The following WDR44 variants were observed in gnomAD, a reference collection of about 807,000 sequenced individuals.
WDR44 encodes the protein WD repeat-containing protein 44.
WDR44 carries 9 observed loss-of-function variants against 65.7 expected under a neutral mutation model. The ratio of observed to expected loss-of-function variants is 0.14; its 90% CI spans 0.08 to 0.24. The LOEUF (loss-of-function observed/expected upper bound fraction) is 0.24, where lower values mean the gene tolerates loss of function less well. Among genes scored for constraint, WDR44 ranks in the 10% least tolerant of loss-of-function variants. WDR44 has a pLI of 1.00. For synonymous variants in WDR44, 220 were observed against 235.2 expected (o/e 0.94, Z 0.59); for missense variants, 425 against 670.9 (o/e 0.63, Z 4.05).
At position 118,444,411 on chromosome X, in the gene WDR44, T is replaced by C. The variant is rs1197054134; in HGVS notation, c.2564T>C (p.Met855Thr). 3 of 1,210,966 alleles carry C rather than the reference T, an allele frequency of 2.5e-6. No individual in the cohort carries two copies. The highest frequency in any genetic ancestry group is 4.4e-5 in the Admixed American group (2 of 45,957). Reference protein sequence around the residue: ...SAIFAPNPSLMLSLDVQSEKS... With the variant: ...SAIFAPNPSLTLSLDVQSEKS... ...ATCTTTGCACCAAACCCAAGTTTGATGTTATCTTTGGATGTGCAATCTGAA... is the reference window on the plus strand; with the variant it reads ...ATCTTTGCACCAAACCCAAGTTTGACGTTATCTTTGGATGTGCAATCTGAA... Residue 855 changes from methionine to threonine, a missense_variant, in exon 19 of 20, where the codon ATG (methionine) becomes ACG (threonine). Transcript: ENST00000254029.
chrX:118,426,735 T>G (rs189854189), intron 12 of WDR44, among the ~76,000 whole-genome samples: 36 of 109,647 alleles, frequency 3.3e-4, no homozygotes, highest in Admixed American at 7.9e-4. Flanking sequence ...AATATATGTA[T>G]ATAACATTTT....
intron 1 of WDR44, among the ~76,000 whole-genome samples, chrX:118,376,963 A>G (rs994762334): frequency 2.7e-5 from 3 of 109,995 alleles, no homozygotes; most frequent in African/African-American, 9.9e-5. Flanking sequence ...TGATGGTGTC[A>G]CTGCACTCAA....
chrX:118,380,077 A>G (rs1448290500), intron 2 of WDR44, among the ~76,000 whole-genome samples: 1 of 112,253 alleles, frequency 8.9e-6, no homozygotes, highest in Admixed American at 9.5e-5. Flanking sequence ...ACAAGTATAC[A>G]TATTTAGTAA....
At chrX:118,370,309 T>C (rs1054068988) in intron 1 of WDR44, among the ~76,000 whole-genome samples, 1 of 111,459 alleles carries the variant, frequency 9.0e-6, no homozygotes, top group African/African-American at 3.3e-5. Context: ...CCTTCAGTAT[T>C]GGAGGTAGGC....
chrX:118,347,128 C>G (rs1295773189), intron 1 of WDR44, among the ~76,000 whole-genome samples: 1 of 111,727 alleles, frequency 9.0e-6, no homozygotes, highest in Non-Finnish European at 1.9e-5. Context: ...TAAGAAAGTC[C>G]TCTAGCGAAT....
In WDR44 at chrX:118,394,082, C is replaced by A. The variant is rs1199245745; in HGVS notation, c.854C>A (p.Ser285Tyr). ...DVPKENITSDSLLTASMASES... is the reference protein window; with the variant it reads ...DVPKENITSDYLLTASMASES... ...CCCAAAGAGAATATTACGTCTGATTCTCTCCTAACCGCAAGCATGGCTTCA... is the reference window on the plus strand; with the variant it reads ...CCCAAAGAGAATATTACGTCTGATTATCTCCTAACCGCAAGCATGGCTTCA... The change falls in exon 5 of 20, where the codon TCT becomes TAT. Residue 285 changes from serine to tyrosine, a missense_variant. Transcript: ENST00000254029. The A allele has an allele frequency of 1.7e-6, 2 of 1,210,414 alleles. No individual in the cohort carries two copies. The highest frequency in any genetic ancestry group is 5.9e-5 in the East Asian group (2 of 33,818).
In WDR44 at chrX:118,410,968, ATTG is replaced by A. The variant is rs903468233; in HGVS notation, c.1737+12_1737+14del. Reference sequence around the variant, plus strand: ...CGGATACAGATACAGGGGTATGCTTATTGTTTTATGGTTACTCTGTTTTCAGGT... The same window carrying A: ...CGGATACAGATACAGGGGTATGCTTATTTTATGGTTACTCTGTTTTCAGGT... On this transcript the variant is annotated intron_variant, in intron 12 of 19. Coordinates refer to ENST00000254029, the MANE Select transcript of WDR44 (RefSeq NM_019045.5). 4 of 1,161,818 alleles carry A rather than the reference ATTG, an allele frequency of 3.4e-6. No homozygotes were observed. Among genetic ancestry groups the A allele is most frequent in the Non-Finnish European group, 4.6e-6 (4 of 868,247 alleles).
At chrX:118,379,260 T>C (rs893410824) in intron 2 of WDR44, among the ~76,000 whole-genome samples, 7 of 111,314 alleles carry the variant, frequency 6.3e-5, no homozygotes, top group African/African-American at 2.3e-4. Context: ...AGATAGAGTA[T>C]ATATTGTATA....
chrX:118,389,242 G>A (rs1045066968), intron 3 of WDR44, among the ~76,000 whole-genome samples: 4 of 112,060 alleles, frequency 3.6e-5, no homozygotes, highest in African/African-American at 6.5e-5. Context: ...CTCTGCTCTC[G>A]AGTAACTTAC....
In WDR44 at chrX:118,395,274, A is replaced by G. The variant is rs1394449617; in HGVS notation, c.983A>G (p.Gln328Arg). 1 of 1,210,641 alleles carries G rather than the reference A, an allele frequency of 8.3e-7. No homozygotes were observed. The highest frequency in any genetic ancestry group is 2.2e-5 in the Admixed American group (1 of 45,926). The change falls in exon 6 of 20, where the codon CAG becomes CGG. Residue 328 changes from glutamine to arginine, a missense_variant. This residue lies in a region of WDR44 where 77 missense variants were observed against 183.5 expected (regional missense o/e 0.42). Transcript: ENST00000254029. ...GAAAATGGAAAAGCACCTGATGGGC[A>G]GACTGTAGCAGGTGAAGTGATGGGC... ...AQENGKAPDG[Q>R]TVAGEVMGPQ...
intron 1 of WDR44, among the ~76,000 whole-genome samples, chrX:118,360,634 T>A (rs1324235474): frequency 8.9e-6 from 1 of 112,135 alleles, no homozygotes; most frequent in Non-Finnish European, 1.9e-5. Context: ...TAAGTCCTTA[T>A]CTATGCTCAT....
In WDR44 at chrX:118,392,752, G is replaced by A. The variant is rs753940089; in HGVS notation, c.307G>A (p.Asp103Asn). 1 of 1,210,135 alleles carries A rather than the reference G, an allele frequency of 8.3e-7. No individual in the cohort carries two copies. Among genetic ancestry groups the A allele is most frequent in the African/African-American group, 1.7e-5 (1 of 57,199 alleles). Residue 103 changes from aspartate to asparagine, a missense_variant, in exon 4 of 20, where the codon GAT becomes AAT. By Grantham distance (23) the Asp-to-Asn change is conservative. Coordinates refer to ENST00000254029, the MANE Select transcript of WDR44 (RefSeq NM_019045.5). ...ATASPIVARTDLSNIPGLLAI... is the reference protein window; with the variant it reads ...ATASPIVARTNLSNIPGLLAI... Reference sequence around the variant, plus strand: ...TGCCAGTCCTATTGTGGCTAGAACAGATCTGAGCAATATACCCGGACTGTT... The same window carrying A: ...TGCCAGTCCTATTGTGGCTAGAACAAATCTGAGCAATATACCCGGACTGTT...
chrX:118,356,746 C>A (rs183435169), intron 1 of WDR44, among the ~76,000 whole-genome samples: 85 of 108,732 alleles, frequency 7.8e-4, no homozygotes, highest in African/African-American at 2.7e-3. Flanking sequence ...TAGTAAAGGG[C>A]TTAAACTTGA....
At chrX:118,356,936 C>T (rs777346770) in intron 1 of WDR44, among the ~76,000 whole-genome samples, 32 of 106,366 alleles carry the variant, frequency 3.0e-4, no homozygotes, top group Non-Finnish European at 5.2e-4. Flanking sequence ...CTCCACCTCC[C>T]GGGTTCAAGC....
At chrX:118,347,190 A>G (rs768777605) in intron 1 of WDR44, among the ~76,000 whole-genome samples, 2 of 112,005 alleles carry the variant, frequency 1.8e-5, no homozygotes, top group African/African-American at 6.5e-5. Context: ...CGTGAGGTAA[A>G]GGAAATCGAA....
chrX:118,385,230 A>G (rs955845326), intron 2 of WDR44, among the ~76,000 whole-genome samples: 4 of 112,319 alleles, frequency 3.6e-5, no homozygotes, highest in Non-Finnish European at 7.5e-5. Flanking sequence ...ACTATTCACA[A>G]TAGCAAAGAC....
intron 1 of WDR44, among the ~76,000 whole-genome samples, chrX:118,376,384 C>T (rs1341459983): frequency 9.0e-6 from 1 of 111,601 alleles, no homozygotes; most frequent in African/African-American, 3.3e-5. Context: ...TAGTAGGACT[C>T]ATTTCTTCTC....
At chrX:118,362,106 T>G (rs187896856) in intron 1 of WDR44, among the ~76,000 whole-genome samples, 4 of 112,160 alleles carry the variant, frequency 3.6e-5, no homozygotes, top group Middle Eastern at 4.6e-3. Flanking sequence ...CTATTAGTGC[T>G]TCAGCTGTGG....
chrX:118,429,249 A>G (rs763342209), intron 12 of WDR44, among the ~76,000 whole-genome samples: 110 of 111,478 alleles, frequency 9.9e-4, no homozygotes, highest in Non-Finnish European at 1.9e-3. Context: ...AGACTATAAA[A>G]GTTTCAGGTT....
Sources: gnomAD v4.1 joint callset for allele counts (sites outside exome capture counted in the v4.1 genomes callset) on GRCh38, gnomAD v4.1.1 for gene constraint, gnomAD v4.1.1 regional missense constraint, MANE v1.5 for transcripts, NCBI Gene and HGNC (gene_info 2026-07-23, HGNC 2026-07-21) for gene names.